Variants in CACNA1D observed in about 807,000 individuals in gnomAD.
CACNA1D encodes the protein calcium voltage-gated channel subunit alpha1 D.
A neutral mutation model predicts 257.1 loss-of-function variants in CACNA1D; 55 were observed. That is an observed-to-expected ratio of 0.21 (90% confidence interval 0.17 to 0.27). The LOEUF is 0.27. Ranked by LOEUF, CACNA1D falls within the 10% of genes least tolerant of loss-of-function variation. The probability of loss-of-function intolerance (pLI) is 1.00; values close to 1 mark genes in which losing one functional copy is unlikely to be tolerated. For missense variants in CACNA1D, 1,876 were observed against 2,784.0 expected, an observed-to-expected ratio of 0.67 and a Z score of 7.34; for synonymous variants, 980 against 1,014.9, an observed-to-expected ratio of 0.97 and a Z score of 0.65.
chr3:53,605,322 A>G (rs1286851493), intron 3 of CACNA1D, among the ~76,000 whole-genome samples: 2 of 152,170 alleles, frequency 1.3e-5, no homozygotes, highest in Admixed American at 6.5e-5. Flanking sequence ...TGGCCCCTCA[A>G]AGTACTTTCA....
intron 2 of CACNA1D, among the ~76,000 whole-genome samples, chr3:53,498,187 T>C (rs1356908151): frequency 6.6e-6 from 1 of 151,848 alleles, no homozygotes; most frequent in Non-Finnish European, 1.5e-5. Flanking sequence ...CCCTTATGAG[T>C]TATAGAACAG....
rs771872770 is a variant in CACNA1D, at chr3:53,650,813, C to T, written c.518C>T (p.Thr173Ile). The part of the protein sequence containing the change: ...KVEYAFLIIF[T>I]VETFLKIIAY... ...GAATATGCCTTCCTGATTATTTTTA[C>T]AGTCGAGACATTTTTGAAGATTATA... is the stretch of plus-strand genomic sequence containing the variant. Residue 173 changes from threonine (T) to isoleucine (I), a missense_variant, in exon 4 of 48, where the codon ACA becomes ATA. By Grantham distance (89) the Thr-to-Ile change is moderately conservative (BLOSUM62 -1). Coordinates refer to ENST00000350061, the MANE Select transcript of CACNA1D (RefSeq NM_001128840.3). 8.1e-6 allele frequency: 13 copies of T among 1,613,708 alleles called. No homozygotes were observed. The highest frequency in any genetic ancestry group is 1.6e-4 in the Middle Eastern group (1 of 6,062).
intron 3 of CACNA1D, among the ~76,000 whole-genome samples, chr3:53,591,156 A>AT (rs1357250167): frequency 6.6e-6 from 1 of 151,970 alleles, no homozygotes; most frequent in African/African-American, 2.4e-5. Flanking sequence ...GGCCCCATGT[A>AT]TTTTTCTCTT....
At chr3:53,576,667 A>T (rs775405447) in intron 3 of CACNA1D, among the ~76,000 whole-genome samples, 13 of 152,178 alleles carry the variant, frequency 8.5e-5, no homozygotes, top group South Asian at 2.1e-4. Flanking sequence ...GCCCTTATTC[A>T]TATGATTCTT....
At chr3:53,710,731 C>T (rs997216177) in intron 9 of CACNA1D, among the ~76,000 whole-genome samples, 5 of 152,138 alleles carry the variant, frequency 3.3e-5, no homozygotes, top group African/African-American at 4.8e-5. Context: ...GTACTTGATT[C>T]GGCATGAATA....
chr3:53,810,758 CAAAAAAAA>C (rs71074934), intron 47 of CACNA1D, among the ~76,000 whole-genome samples: 6 of 68,286 alleles, frequency 8.8e-5, no homozygotes, highest in Non-Finnish European at 1.4e-4. Context: ...ACTCTTGTCT[CAAAAAAAA>C]AAAAAAAAAA....
chr3:53,551,624 C>T lies in CACNA1D; in HGVS notation c.483+49904C>T, dbSNP rs557785262. Among the ~76,000 whole-genome samples the T allele has an allele frequency of 2.0e-5, 3 of 152,350 alleles. No homozygotes were observed. The East Asian group carries it at 5.8e-4, about 29-fold the overall frequency. ...GATGAACCATGCATTTTCCTAAACC[C>T]ACACTTCGAGGTTTACAAAGATAAA... On this transcript the variant is annotated intron_variant, in intron 3 of 47. Transcript: ENST00000350061.
At chr3:53,643,923 G>C (rs1482221270) in intron 3 of CACNA1D, among the ~76,000 whole-genome samples, 1 of 152,216 alleles carries the variant, frequency 6.6e-6, no homozygotes, top group Non-Finnish European at 1.5e-5. Context: ...GCTGTGCTGA[G>C]CCTTTCCCTG....
At chr3:53,710,566 G>A (rs992573642) in intron 9 of CACNA1D, 16 of 439,232 alleles carry the variant, frequency 3.6e-5, no homozygotes, top group South Asian at 9.5e-5. Context: ...TGCATGTGCC[G>A]TGTGGTGTGT....
chr3:53,579,700 C>T (rs1035445880), intron 3 of CACNA1D, among the ~76,000 whole-genome samples: 1 of 152,218 alleles, frequency 6.6e-6, no homozygotes, highest in Non-Finnish European at 1.5e-5. Flanking sequence ...CAGCTGCAGA[C>T]CAGTTACATC....
At chr3:53,536,476 T>A (rs1328537618) in intron 3 of CACNA1D, among the ~76,000 whole-genome samples, 4 of 152,204 alleles carry the variant, frequency 2.6e-5, no homozygotes, top group Admixed American at 2.0e-4. Flanking sequence ...ACTACCAGGT[T>A]AAAAGACATA....
intron 4 of CACNA1D, among the ~76,000 whole-genome samples, chr3:53,651,361 A>ATTTTATTTTTTTTTTTTTT (rs1576235107): frequency 1.7e-5 from 1 of 57,166 alleles, no homozygotes; most frequent in African/African-American, 7.9e-5. Context: ...AAAGCTATTA[A>ATTTTATTTTTTTTTTTTTT]TTTTCTTTTT....
intron 30 of CACNA1D, 54 bp downstream of exon 30, chr3:53,762,135 C>T (rs529397367): frequency 2.8e-6 from 3 of 1,074,698 alleles, no homozygotes; most frequent in East Asian, 4.7e-5. Context: ...TCTGTCTGTG[C>T]ATACTCCGCT....
chr3:53,778,664 T>C (rs1318152369), intron 37 of CACNA1D, among the ~76,000 whole-genome samples: 1 of 152,194 alleles, frequency 6.6e-6, no homozygotes, highest in Non-Finnish European at 1.5e-5. Flanking sequence ...TCCCATCCAT[T>C]GGGCATGTCA....
intron 9 of CACNA1D, among the ~76,000 whole-genome samples, 158 bp from the exon 10 acceptor site, chr3:53,718,143 C>A (rs1445029839): frequency 6.6e-6 from 1 of 152,194 alleles, no homozygotes; most frequent in African/African-American, 2.4e-5. Flanking sequence ...ATGCCTGGCT[C>A]CTTGGCACTC....
chr3:53,529,743 G>A (rs548023020), intron 3 of CACNA1D, among the ~76,000 whole-genome samples: 92 of 152,284 alleles, frequency 6.0e-4, no homozygotes, highest in Middle Eastern at 6.8e-3. Context: ...AGTGGGTTGA[G>A]CAACTCATAC....
intron 3 of CACNA1D, among the ~76,000 whole-genome samples, chr3:53,546,743 A>C (rs2092422287): frequency 6.6e-6 from 1 of 152,244 alleles, no homozygotes; most frequent in Admixed American, 6.5e-5. Flanking sequence ...ACTGCATTGC[A>C]TCATACACAG....
intron 9 of CACNA1D, among the ~76,000 whole-genome samples, chr3:53,707,282 T>C (rs2094700383): frequency 1.3e-5 from 2 of 152,200 alleles, no homozygotes; most frequent in South Asian, 4.2e-4. Flanking sequence ...TGATTAATCT[T>C]GGGGTGGGAG....
intron 3 of CACNA1D, among the ~76,000 whole-genome samples, chr3:53,546,779 C>T (rs918437978): frequency 6.6e-6 from 1 of 152,118 alleles, no homozygotes; most frequent in East Asian, 1.9e-4. Context: ...AATAGACCTG[C>T]GTCCTAGCAG....
Sources: gnomAD v4.1 joint callset for allele counts (sites outside exome capture counted in the v4.1 genomes callset) on GRCh38, gnomAD v4.1.1 for gene constraint, MANE v1.5 for transcripts, NCBI Gene and HGNC (gene_info 2026-07-23, HGNC 2026-07-21) for gene names.